The following DOCK2 variants were observed in gnomAD, a reference collection of about 807,000 sequenced individuals.
The protein encoded by DOCK2 is dedicator of cytokinesis protein 2.
DOCK2 carries 87 observed loss-of-function variants against 248.9 expected under a neutral mutation model. The ratio of observed to expected loss-of-function variants is 0.35; its 90% CI spans 0.29 to 0.42. The LOEUF is 0.42. DOCK2 is among the 10% of genes least tolerant of loss of function. The pLI is 1.00. For missense variants in DOCK2, 1,747 were observed against 2,300.2 expected (o/e 0.76, Z 4.92); for synonymous variants, 805 against 821.6 (o/e 0.98, Z 0.35).
intron 27 of DOCK2, among the ~76,000 whole-genome samples, chr5:169,911,894 T>C (rs1421655161): frequency 6.6e-6 from 1 of 152,206 alleles, no homozygotes; most frequent in Non-Finnish European, 1.5e-5. Flanking sequence ...CCCACTGTCA[T>C]CTTCACTACC....
intron 12 of DOCK2, 150 bp downstream of exon 12, chr5:169,699,608 G>C: frequency 1.2e-6 from 1 of 805,902 alleles, no homozygotes; most frequent in Non-Finnish European, 1.9e-6. Context: ...GATCTACAGG[G>C]ATAAGTCACA....
intron 25 of DOCK2, among the ~76,000 whole-genome samples, chr5:169,794,695 C>A (rs965549843): frequency 6.6e-6 from 1 of 152,074 alleles, no homozygotes; most frequent in South Asian, 2.1e-4. Flanking sequence ...GAGGCCGAGG[C>A]GGGCGGATCA....
intron 27 of DOCK2, among the ~76,000 whole-genome samples, chr5:169,946,740 C>T (rs183060581): frequency 1.3e-5 from 2 of 152,280 alleles, no homozygotes; most frequent in Non-Finnish European, 1.5e-5. Context: ...TTTCACACAG[C>T]GATAGGCAAT....
chr5:169,695,993 C>G (rs1760599516), intron 10 of DOCK2, 55 bp downstream of exon 10: 7 of 1,527,096 alleles, frequency 4.6e-6, no homozygotes, highest in Non-Finnish European at 5.3e-6. Context: ...TTTTATGTGG[C>G]TGAATTGTAA....
At chr5:169,921,217 A>T (rs1470284070) in intron 27 of DOCK2, among the ~76,000 whole-genome samples, 1 of 152,222 alleles carries the variant, frequency 6.6e-6, no homozygotes, top group Non-Finnish European at 1.5e-5. Flanking sequence ...TTGTGACTTG[A>T]ACTAAGTCCG....
In DOCK2 at chr5:169,689,269, G is replaced by C; in HGVS notation, c.779G>C (p.Arg260Pro). The C allele has an allele frequency of 6.2e-7, 1 of 1,614,108 alleles. No homozygotes were observed. The highest frequency in any genetic ancestry group is 8.5e-7 in the Non-Finnish European group (1 of 1,180,002). The change falls in exon 9 of 52, where the codon CGA becomes CCA. Residue 260 changes from arginine (R) to proline (P), a missense_variant. This residue lies in a region of DOCK2 where 375 missense variants were observed against 510.9 expected (regional missense o/e 0.73). Coordinates refer to ENST00000520908, the MANE Select transcript of DOCK2 (RefSeq NM_004946.3). ...TCCCACAGTGAGAACTACCTAGTGCGATGGGGCAGCCGGGGCTTCCCTAAG... is the reference window on the plus strand; with the variant it reads ...TCCCACAGTGAGAACTACCTAGTGCCATGGGGCAGCCGGGGCTTCCCTAAG... The part of the protein sequence containing the change: ...QTVISENYLV[R>P]WGSRGFPKEI...
At chr5:169,638,190 G>A (rs1157058933) in intron 1 of DOCK2, among the ~76,000 whole-genome samples, 4 of 152,174 alleles carry the variant, frequency 2.6e-5, no homozygotes, top group African/African-American at 7.2e-5. Context: ...CACCATCTCA[G>A]AGATAAATAT....
At chr5:169,642,113 C>T (rs543385814) in intron 1 of DOCK2, among the ~76,000 whole-genome samples, 1 of 152,146 alleles carries the variant, frequency 6.6e-6, no homozygotes, top group Non-Finnish European at 1.5e-5. Context: ...CCAAACATAC[C>T]CAGGAGCAGA....
At chr5:169,731,717 C>G (rs2113626794) in intron 22 of DOCK2, among the ~76,000 whole-genome samples, 1 of 152,206 alleles carries the variant, frequency 6.6e-6, no homozygotes, top group African/African-American at 2.4e-5. Context: ...ATTTGCTGGG[C>G]TAAAGGGTAT....
chr5:169,802,430 C>T (rs1017640240), intron 25 of DOCK2, among the ~76,000 whole-genome samples: 7 of 152,296 alleles, frequency 4.6e-5, no homozygotes, highest in African/African-American at 1.7e-4. Context: ...TCATTTTGTA[C>T]TGTCTGTACC....
At chr5:169,737,759 G>C (rs1273822137) in intron 22 of DOCK2, among the ~76,000 whole-genome samples, 1 of 152,182 alleles carries the variant, frequency 6.6e-6, no homozygotes, top group Admixed American at 6.5e-5. Flanking sequence ...TTCCTGGAAG[G>C]TGGCATTCCT....
intron 25 of DOCK2, chr5:169,773,276 C>G (rs960526695): frequency 6.6e-6 from 1 of 152,072 alleles, no homozygotes; most frequent in Non-Finnish European, 1.5e-5. Context: ...GGTGAGGGTG[C>G]ACTGAAGTTA....
intron 22 of DOCK2, among the ~76,000 whole-genome samples, chr5:169,733,343 C>G (rs77011891): frequency 0.015 from 2,218 of 151,772 alleles, 124 homozygotes; most frequent in Admixed American, 0.11. Context: ...TCTGTCACCT[C>G]CTTCTTAAAT....
At chr5:170,034,071 A>G (rs890079700) in intron 34 of DOCK2, among the ~76,000 whole-genome samples, 5 of 152,182 alleles carry the variant, frequency 3.3e-5, no homozygotes, top group Admixed American at 1.3e-4. Flanking sequence ...GGATATGTGC[A>G]TTTACAATTT....
intron 41 of DOCK2, 60 bp from the exon 42 acceptor site, chr5:170,055,245 C>T: frequency 6.5e-7 from 1 of 1,537,282 alleles, no homozygotes; most frequent in Non-Finnish European, 9.0e-7. Context: ...CAAGGACCAG[C>T]TATACTTAAA....
chr5:169,937,875 G>A (rs1386475579), intron 27 of DOCK2, among the ~76,000 whole-genome samples: 2 of 152,144 alleles, frequency 1.3e-5, no homozygotes, highest in African/African-American at 2.4e-5. Context: ...CGTGAGTGGT[G>A]GGTCCCTTTC....
chr5:169,763,627 G>A lies in DOCK2; in HGVS notation c.2554+2002G>A, dbSNP rs988262053. Among the ~76,000 whole-genome samples the A allele has an allele frequency of 6.6e-5, 10 of 152,228 alleles. No homozygotes were observed. The highest frequency in any genetic ancestry group is 2.4e-4 in the African/African-American group (10 of 41,458). On this transcript the variant is annotated intron_variant, in intron 25 of 51. Coordinates refer to ENST00000520908, the MANE Select transcript of DOCK2 (RefSeq NM_004946.3). The surrounding 1 kb of genome is among the most constrained non-coding windows in gnomAD (Gnocchi z 4.1). ...GAGGGTTAGCATCATGGCAGGGCAG[G>A]CTGGACAGCTGCTGCTTCTCAGTCC... is the stretch of plus-strand genomic sequence containing the variant.
At chr5:169,787,157 G>A (rs1014686356) in intron 25 of DOCK2, among the ~76,000 whole-genome samples, 14 of 152,116 alleles carry the variant, frequency 9.2e-5, no homozygotes, top group African/African-American at 2.7e-4. Flanking sequence ...TTCCACTTCC[G>A]CACTCTGCTC....
At chr5:169,816,830 G>T (rs1453043667) in intron 26 of DOCK2, among the ~76,000 whole-genome samples, 1 of 152,162 alleles carries the variant, frequency 6.6e-6, no homozygotes, top group Non-Finnish European at 1.5e-5. Flanking sequence ...TTGTGTTACA[G>T]TCAATGCGGT....
Sources: gnomAD v4.1 joint callset for allele counts (sites outside exome capture counted in the v4.1 genomes callset) on GRCh38, gnomAD v4.1.1 for gene constraint, gnomAD v4.1.1 regional missense constraint, Gnocchi (gnomAD v3.1) non-coding constraint, MANE v1.5 for transcripts, NCBI Gene and HGNC (gene_info 2026-07-23, HGNC 2026-07-21) for gene names.